Variants in RPL3 observed in about 807,000 individuals in gnomAD.
RPL3 encodes large ribosomal subunit protein uL3.
Under a neutral mutation model 46.0 loss-of-function variants are expected in RPL3, and 3 were observed. The observed-to-expected ratio is 0.07, with a 90% confidence interval of 0.03 to 0.17. RPL3 has a LOEUF of 0.17. Ranked by LOEUF, RPL3 falls within the 10% of genes least tolerant of loss-of-function variation. RPL3 has a pLI of 1.00. For synonymous variants in RPL3, 224 were observed against 190.8 expected (o/e 1.17, Z -1.43); for missense variants, 387 against 532.7 (o/e 0.73, Z 2.69).
intron 5 of RPL3, 191 bp downstream of exon 5, chr22:39,315,178 G>A (rs544549549): frequency 3.3e-6 from 3 of 896,748 alleles, no homozygotes; most frequent in South Asian, 2.6e-5. Context: ...GTTGTCCCCT[G>A]GCCCTCCGCT....
chr22:39,315,626 A>C, intron 4 of RPL3, 71 bp from the exon 5 acceptor site: 1 of 1,561,510 alleles, frequency 6.4e-7, no homozygotes, highest in Non-Finnish European at 8.8e-7. Context: ...CTGCAGCTCC[A>C]TGCGGCCTGA....
At chr22:39,317,217 C>T (rs981648232) in intron 3 of RPL3, 12 of 580,992 alleles carry the variant, frequency 2.1e-5, no homozygotes, top group Non-Finnish European at 3.6e-5. Flanking sequence ...TAGTTGGACT[C>T]CTCAACCAAC....
chr22:39,318,298 TAAAAA>T, intron 2 of RPL3, 97 bp downstream of exon 2: 1 of 1,132,574 alleles, frequency 8.8e-7, no homozygotes, highest in Non-Finnish European at 1.2e-6. Context: ...AACTCCTGCT[TAAAAA>T]AAAAAGTCTG....
chr22:39,313,421 C>G (rs1230566484), intron 8 of RPL3, 111 bp from the exon 9 acceptor site: 4 of 1,513,140 alleles, frequency 2.6e-6, no homozygotes, highest in African/African-American at 1.4e-5. Flanking sequence ...CAGCCTCCCC[C>G]ACCATCCGGC....
chr22:39,319,033 A>C (rs1922881218), intron 1 of RPL3: 1 of 537,808 alleles, frequency 1.9e-6, no homozygotes, highest in Non-Finnish European at 3.8e-6. Context: ...CACACAGGCC[A>C]AAGAACTCCG....
chr22:39,319,138 C>T (rs776133010), intron 1 of RPL3: 26 of 541,828 alleles, frequency 4.8e-5, no homozygotes, highest in Non-Finnish European at 7.9e-5. Flanking sequence ...CAGAGGCCTT[C>T]GGAGTGCACC....
chr22:39,317,975 A>G, intron 2 of RPL3: 1 of 350,504 alleles, frequency 2.9e-6, no homozygotes, highest in Non-Finnish European at 5.3e-6. Context: ...CCTAACATTA[A>G]TGTCTCCATG....
Position 39,317,473 on chromosome 22 carries a change from A to G in RPL3, c.353T>C (p.Phe118Ser), listed in dbSNP as rs771273075. The G allele has an allele frequency of 2.5e-6, 4 of 1,613,648 alleles. No individual in the cohort carries two copies. Among genetic ancestry groups the G allele is most frequent in the Non-Finnish European group, 3.4e-6 (4 of 1,179,642 alleles). Residue 118 changes from phenylalanine to serine, a missense_variant, in exon 3 of 10, where the codon TTC becomes TCC. Around this residue, in one of 5 missense-constraint regions of RPL3, gnomAD observed 196 missense variants for 217.5 expected, o/e 0.90. Transcript: ENST00000216146. ...CCTCCTCCCTTACCAATTCTTATAG[A>G]AACGCCTCTTGCATTCATCACTGAT... Reference protein sequence around the residue: ...EHISDECKRRFYKNWHKSKKK... With the variant: ...EHISDECKRRSYKNWHKSKKK...
chr22:39,313,306 A>C lies in RPL3; in HGVS notation c.1052T>G (p.Leu351Trp). Residue 351 changes from leucine to tryptophan, a missense_variant, in exon 9 of 10, where the codon TTG becomes TGG. Physicochemically the swap from Leu to Trp is moderately conservative, Grantham distance 61 (BLOSUM62 -2). This residue lies in a region of RPL3 where 131 missense variants were observed against 185.1 expected (regional missense o/e 0.71). Transcript: ENST00000216146. Reference protein sequence around the residue: ...KKRVLTLRKSLLVQTKRRALE... With the variant: ...KKRVLTLRKSWLVQTKRRALE... Reference sequence around the variant, plus strand: ...AGCCCGCCGCTTCGTCTGCACCAGCAAGGACTATGGGCCAAGAGGGGAAGG... The same window carrying C: ...AGCCCGCCGCTTCGTCTGCACCAGCCAGGACTATGGGCCAAGAGGGGAAGG... 3 of 1,614,036 alleles carry C rather than the reference A, an allele frequency of 1.9e-6. No homozygotes were observed. Among genetic ancestry groups the C allele is most frequent in the Non-Finnish European group, 2.5e-6 (3 of 1,179,976 alleles).
In RPL3 at chr22:39,317,081, CG is replaced by C; in HGVS notation, c.366-241del. On this transcript the variant is annotated intron_variant, in intron 3 of 9. Transcript: ENST00000216146. ...ACGCATTCAAACAAAATTCTTGCTC[CG>C]GGACAAACCTTTCTGCCCTGGGGAA... The C allele has an allele frequency of 7.8e-6, 5 of 641,094 alleles. 1 individual carries two copies. In the Middle Eastern group the frequency reaches 7.7e-4, roughly 99 times the overall value. 39.7% of individuals were successfully genotyped at this position (641,094 alleles called of 1,614,324 possible). A position where few individuals can be genotyped will look rare whatever the true frequency, so the allele number is the denominator to read the frequency against.
At chr22:39,313,439 G>A (rs1297027291) in intron 8 of RPL3, 129 bp from the exon 9 acceptor site, 8 of 1,457,080 alleles carry the variant, frequency 5.5e-6, no homozygotes, top group African/African-American at 1.4e-5. Context: ...GGCAGATGAG[G>A]ACACACTCAA....
chr22:39,313,113 C>T, intron 9 of RPL3, 78 bp downstream of exon 9: 2 of 1,597,640 alleles, frequency 1.3e-6, no homozygotes, highest in Admixed American at 1.8e-5. Context: ...CAAGACCACC[C>T]CTACCCCGGC....
chr22:39,319,443 C>A, intron 1 of RPL3, 152 bp downstream of exon 1: 3 of 1,105,120 alleles, frequency 2.7e-6, no homozygotes, highest in Non-Finnish European at 4.0e-6. Flanking sequence ...CTCGACTTTC[C>A]AGAAAATAGG....
rs1005326180 is a variant in RPL3, at chr22:39,315,627, T to C, written c.502-72A>G. 37 of 1,561,584 alleles carry C rather than the reference T, an allele frequency of 2.4e-5. No individual in the cohort carries two copies. The African/African-American group carries it at 4.2e-4, about 18-fold the overall frequency. On this transcript the variant is annotated intron_variant, in intron 4 of 9. Coordinates refer to ENST00000216146, the MANE Select transcript of RPL3 (RefSeq NM_000967.4). ...CCACAGCAGAGGAACTGCAGCTCCA[T>C]GCGGCCTGATTGATGTCAAGCACAC...
intron 4 of RPL3, 107 bp downstream of exon 4, chr22:39,316,599 G>A (rs1922707782): frequency 1.4e-6 from 2 of 1,447,316 alleles, no homozygotes; most frequent in African/African-American, 1.4e-5. Flanking sequence ...GCCCTCTGCT[G>A]GCAAGGGAGA....
chr22:39,318,573 G>A lies in RPL3; in HGVS notation c.23C>T (p.Ala8Val), dbSNP rs1253031184. The A allele has an allele frequency of 6.2e-7, 1 of 1,611,380 alleles. No individual in the cohort carries two copies. Among genetic ancestry groups the A allele is most frequent in the African/African-American group, 1.3e-5 (1 of 74,974 alleles). Residue 8 changes from alanine to valine, a missense_variant, in exon 2 of 10, where the codon GCT becomes GTT. Ala to Val is a moderately conservative substitution (Grantham distance 64). Coordinates refer to ENST00000216146, the MANE Select transcript of RPL3 (RefSeq NM_000967.4). Reference sequence around the variant, plus strand: ...GAAGCCGAGGGACCCATGTCTGGGAGCGGAGAACTTTCTGTGAGACTAGGT... The same window carrying A: ...GAAGCCGAGGGACCCATGTCTGGGAACGGAGAACTTTCTGTGAGACTAGGT... MSHRKFS[A>V]PRHGSLGFLP...
intron 5 of RPL3, chr22:39,315,147 G>A (rs1569160089): frequency 2.5e-6 from 2 of 814,478 alleles, no homozygotes; most frequent in Non-Finnish European, 4.3e-6. Context: ...AAGAGCAAAG[G>A]GTCCAGGAAC....
rs1207487016 is a variant in RPL3, at chr22:39,317,627, C to G, written c.199G>C (p.Val67Leu). The G allele has an allele frequency of 6.2e-7, 1 of 1,610,574 alleles. No homozygotes were observed. Among genetic ancestry groups the G allele is most frequent in the South Asian group, 1.1e-5 (1 of 90,816 alleles). ...VREVDRPGSK[V>L]NKKEVVEAVT... is the part of the protein sequence containing the mutation. The stretch of plus-strand genomic sequence containing the variant: ...GCCTCCACCACCTCCTTCTTGTTCA[C>G]CTCTGCAAAAAAAAAGCAGTAGTCA... Residue 67 changes from valine to leucine, a missense_variant and splice_region_variant, in exon 3 of 10, where the codon GTG (valine) becomes CTG (leucine). Around this residue, in one of 5 missense-constraint regions of RPL3, gnomAD observed 196 missense variants for 217.5 expected, o/e 0.90. Coordinates refer to ENST00000216146, the MANE Select transcript of RPL3 (RefSeq NM_000967.4).
chr22:39,314,357 G>C (rs1922547849), intron 6 of RPL3, 149 bp from the exon 7 acceptor site: 1 of 699,866 alleles, frequency 1.4e-6, no homozygotes, highest in Non-Finnish European at 2.4e-6. Flanking sequence ...AAAGCTGGCT[G>C]GCCCTCCAGG....
Sources: gnomAD v4.1 joint callset for allele counts on GRCh38, gnomAD v4.1.1 for gene constraint, gnomAD v4.1.1 regional missense constraint, MANE v1.5 for transcripts, NCBI Gene and HGNC (gene_info 2026-07-23, HGNC 2026-07-21) for gene names.